Variants in MYO16 observed in about 807,000 individuals in gnomAD.
The protein encoded by MYO16 is myosin XVI.
Under a neutral mutation model 205.3 loss-of-function variants are expected in MYO16, and 94 were observed. The ratio of observed to expected loss-of-function variants is 0.46; its 90% confidence interval spans 0.39 to 0.54. The LOEUF is 0.54. Ranked by LOEUF, MYO16 falls within the 20% of genes least tolerant of loss-of-function variation. The pLI is 0.00. For synonymous variants in MYO16, 988 were observed against 954.0 expected (o/e 1.04, Z -0.66); for missense variants, 2,315 against 2,387.5 (o/e 0.97, Z 0.63).
intron 1 of MYO16, among the ~76,000 whole-genome samples, chr13:108,612,313 C>T (rs1879206373): frequency 6.6e-6 from 1 of 151,890 alleles, no homozygotes; most frequent in African/African-American, 2.4e-5. Context: ...AGACAAGATG[C>T]TAATACTAGA....
chr13:109,122,398 G>A (rs945926779), intron 29 of MYO16, among the ~76,000 whole-genome samples: 1 of 152,146 alleles, frequency 6.6e-6, no homozygotes, highest in East Asian at 1.9e-4. Flanking sequence ...GTCTTAAAAG[G>A]TCGGGCGCAG....
At chr13:109,060,676 T>G (rs1306120987) in intron 27 of MYO16, among the ~76,000 whole-genome samples, 1 of 152,190 alleles carries the variant, frequency 6.6e-6, no homozygotes, top group Non-Finnish European at 1.5e-5. Context: ...GGATGTGCTG[T>G]CATCCATGCT....
intron 21 of MYO16, among the ~76,000 whole-genome samples, chr13:109,007,791 A>C (rs1885450119): frequency 6.6e-6 from 1 of 152,192 alleles, no homozygotes; most frequent in South Asian, 2.1e-4. Flanking sequence ...GGAATGTGGA[A>C]AATTTTCTGA....
intron 4 of MYO16, among the ~76,000 whole-genome samples, chr13:108,754,437 G>T (rs1272003545): frequency 6.6e-6 from 1 of 152,150 alleles, no homozygotes; most frequent in East Asian, 1.9e-4. Flanking sequence ...GACATACATA[G>T]CTCTCTGACA....
chr13:109,184,297 CT>C (rs1373907466), intron 34 of MYO16, among the ~76,000 whole-genome samples: 16 of 152,206 alleles, frequency 1.1e-4, no homozygotes, highest in Non-Finnish European at 1.9e-4. Context: ...CCACTCGTGA[CT>C]TACAGATTAT....
the MYO16 span, among the ~76,000 whole-genome samples, chr13:108,503,260 A>G: frequency 7.9e-5 from 12 of 152,276 alleles, no homozygotes; most frequent in East Asian, 2.1e-3. Flanking sequence ...GAATATGTGG[A>G]AAACCCCCCT....
chr13:108,842,740 A>T lies in MYO16; in HGVS notation c.1098-1603A>T, dbSNP rs117124402. ...AAATAGAACTACCACATGATCCAGT[A>T]TTACAATTCTGGATATTTTATTCAA... On this transcript the variant is annotated intron_variant, in intron 9 of 34. Transcript: ENST00000457511. Among the ~76,000 whole-genome samples the T allele has an allele frequency of 4.6e-4, 70 of 152,202 alleles. No individual in the cohort carries two copies. The East Asian group carries it at 0.013, about 27-fold the overall frequency.
intron 9 of MYO16, among the ~76,000 whole-genome samples, chr13:108,825,705 C>A (rs1181310531): frequency 6.6e-6 from 1 of 151,778 alleles, no homozygotes; most frequent in Non-Finnish European, 1.5e-5. Flanking sequence ...ACAAAAATAT[C>A]TTATTTGAAC....
chr13:109,006,218 C>T (rs940386676), intron 21 of MYO16, among the ~76,000 whole-genome samples: 1 of 152,080 alleles, frequency 6.6e-6, no homozygotes, highest in Non-Finnish European at 1.5e-5. Flanking sequence ...TTTCTGGGCT[C>T]TTCTTTCCAG....
At chr13:108,519,004 C>G in the MYO16 span, among the ~76,000 whole-genome samples, 1 of 151,888 alleles carries the variant, frequency 6.6e-6, no homozygotes, top group Admixed American at 6.6e-5. Flanking sequence ...CACACTTTTT[C>G]AAAAGAATAG....
chr13:108,627,657 A>G (rs1879796315), upstream of MYO16, among the ~76,000 whole-genome samples: 1 of 152,220 alleles, frequency 6.6e-6, no homozygotes, highest in Non-Finnish European at 1.5e-5. Flanking sequence ...TAAAGTTCTT[A>G]TAAGAAATGC....
At chr13:108,749,563 C>T (rs1429175323) in intron 4 of MYO16, among the ~76,000 whole-genome samples, 1 of 152,098 alleles carries the variant, frequency 6.6e-6, no homozygotes, top group Non-Finnish European at 1.5e-5. Context: ...AAAACAAGAT[C>T]CAGTACCACC....
chr13:108,663,696 T>C (rs1199216802), intron 1 of MYO16, among the ~76,000 whole-genome samples: 1 of 152,172 alleles, frequency 6.6e-6, no homozygotes, highest in Non-Finnish European at 1.5e-5. Flanking sequence ...AAAAGTTAAT[T>C]GAAAATTTCA....
intron 23 of MYO16, among the ~76,000 whole-genome samples, chr13:109,028,909 T>C (rs1886455179): frequency 6.9e-6 from 1 of 145,470 alleles, no homozygotes; most frequent in Non-Finnish European, 1.5e-5. Flanking sequence ...GTAAAATACG[T>C]AGATTTTTTT....
At chr13:108,614,242 A>G (rs1023345367) in intron 1 of MYO16, among the ~76,000 whole-genome samples, 1 of 152,110 alleles carries the variant, frequency 6.6e-6, no homozygotes, top group Non-Finnish European at 1.5e-5. Context: ...ATCAAAAAGA[A>G]CAAAGTGCTT....
At chr13:108,527,689 G>A in the MYO16 span, among the ~76,000 whole-genome samples, 1 of 152,302 alleles carries the variant, frequency 6.6e-6, no homozygotes, top group East Asian at 1.9e-4. Context: ...AATGGTATAT[G>A]CCAATAAAAG....
chr13:108,824,471 GT>G (rs1876150060), intron 9 of MYO16, among the ~76,000 whole-genome samples: 1 of 152,090 alleles, frequency 6.6e-6, no homozygotes, highest in African/African-American at 2.4e-5. Context: ...CAGAGGTAGT[GT>G]TGTGGTTGCT....
intron 33 of MYO16, among the ~76,000 whole-genome samples, chr13:109,176,717 A>C (rs1879208635): frequency 6.6e-6 from 1 of 151,438 alleles, no homozygotes. Flanking sequence ...AACCTTCAAA[A>C]AATCCCCTTC....
rs1339260836 is a variant in MYO16 at position 109,140,542 on chromosome 13, C to T, written c.4330C>T (p.Pro1444Ser). The T allele has an allele frequency of 1.3e-6, 2 of 1,546,888 alleles. No individual in the cohort carries two copies. Among genetic ancestry groups the T allele is most frequent in the Admixed American group, 1.9e-5 (1 of 52,820 alleles). Reference protein sequence around the residue: ...YIEMLGHAARPDSPDPGESVY... With the variant: ...YIEMLGHAARSDSPDPGESVY... ...CGAGATGCTGGGGCACGCGGCCAGG[C>T]CCGATAGCCCGGACCCCGGGGAGTC... Residue 1444 changes from proline (P) to serine (S), a missense_variant, in exon 32 of 35, where the codon CCC (proline) becomes TCC (serine). Transcript: ENST00000457511. The surrounding 1 kb of genome is among the most constrained non-coding windows in gnomAD (Gnocchi z 8.0).
Sources: gnomAD v4.1 joint callset for allele counts (sites outside exome capture counted in the v4.1 genomes callset) on GRCh38, gnomAD v4.1.1 for gene constraint, Gnocchi (gnomAD v3.1) non-coding constraint, MANE v1.5 for transcripts, NCBI Gene and HGNC (gene_info 2026-07-23, HGNC 2026-07-21) for gene names.